PSMC6: variants seen among roughly 807,000 people sequenced by gnomAD.
PSMC6 encodes the protein proteasome 26S subunit, ATPase 6.
In PSMC6, 3 loss-of-function variants were observed where a neutral mutation model predicts 55.9. The observed-to-expected ratio is 0.05, with a 90% CI of 0.02 to 0.14. PSMC6 has a LOEUF of 0.14. Ranked by LOEUF, PSMC6 falls within the 10% of genes least tolerant of loss-of-function variation. PSMC6 has a pLI of 1.00. For synonymous variants in PSMC6, 137 were observed against 155.9 expected (o/e 0.88, Z 0.90); for missense variants, 210 against 478.7 (o/e 0.44, Z 5.24).
chr14:52,719,064 A>G, intron 10 of PSMC6, 26 bp downstream of exon 10: 1 of 1,543,324 alleles, frequency 6.5e-7, no homozygotes, highest in Non-Finnish European at 8.9e-7. Context: ...GGGGGTTTAT[A>G]AAGAAACCAA....
chr14:52,710,978 T>C, intron 4 of PSMC6, 123 bp from the exon 5 acceptor site: 1 of 855,466 alleles, frequency 1.2e-6, no homozygotes, highest in Non-Finnish European at 1.9e-6. Flanking sequence ...GAGTTTATAA[T>C]CTGATATTTG....
rs932592077 is a variant in PSMC6 at position 52,727,165 on chromosome 14, C to T, written c.1052-334C>T. Among the ~76,000 whole-genome samples the T allele has an allele frequency of 1.1e-4, 16 of 149,992 alleles. No individual in the cohort carries two copies. The East Asian group carries it at 2.0e-3, about 18-fold the overall frequency. On this transcript the variant is annotated intron_variant, in intron 13 of 13. Coordinates refer to ENST00000445930, the MANE Select transcript of PSMC6 (RefSeq NM_002806.5). ...CCTCCCGAGTAGCTGGGACTACAGGCGCGCGCCACCATGCCCAGCTAATTT... is the reference window on the plus strand; with the variant it reads ...CCTCCCGAGTAGCTGGGACTACAGGTGCGCGCCACCATGCCCAGCTAATTT...
intron 10 of PSMC6, among the ~76,000 whole-genome samples, chr14:52,720,121 G>A (rs2041872652): frequency 6.6e-6 from 1 of 151,338 alleles, no homozygotes; most frequent in South Asian, 2.1e-4. Context: ...TACTCAGGAG[G>A]CTGAGGCAGG....
At chr14:52,713,181 G>A (rs971026301) in intron 6 of PSMC6, among the ~76,000 whole-genome samples, 1 of 152,102 alleles carries the variant, frequency 6.6e-6, no homozygotes, top group Admixed American at 6.5e-5. Context: ...AATGAGCCAA[G>A]ATCATGCCAT....
At chr14:52,715,916 C>T (rs948450327) in intron 7 of PSMC6, among the ~76,000 whole-genome samples, 2 of 152,036 alleles carry the variant, frequency 1.3e-5, no homozygotes, top group Non-Finnish European at 2.9e-5. Context: ...AATGTCCAGC[C>T]ACGGCAGCTT....
rs34123680 is a variant in PSMC6, at chr14:52,720,222, CAAAA to C, written c.778-620_778-617del. On this transcript the variant is annotated intron_variant, in intron 10 of 13. Coordinates refer to ENST00000445930, the MANE Select transcript of PSMC6 (RefSeq NM_002806.5). ...GGGTGACAGAGCGAGAGTCTGTCTCCAAAAAAAAAAAAAAAAAAAAAAGCAGTCC... is the reference window on the plus strand; with the variant it reads ...GGGTGACAGAGCGAGAGTCTGTCTCCAAAAAAAAAAAAAAAAAAGCAGTCC... Among the ~76,000 whole-genome samples the C allele has an allele frequency of 3.2e-3, 200 of 62,364 alleles. 1 individual carries two copies. The highest frequency in any genetic ancestry group is 0.013 in the African/African-American group (187 of 14,622). 40.9% of individuals were successfully genotyped at this position (62,364 alleles called of 152,430 possible). A position where few individuals can be genotyped will look rare whatever the true frequency, so the allele number is the denominator to read the frequency against.
intron 7 of PSMC6, among the ~76,000 whole-genome samples, chr14:52,717,148 A>G (rs543649147): frequency 2.0e-5 from 3 of 152,296 alleles, no homozygotes; most frequent in Admixed American, 2.0e-4. Flanking sequence ...TCTAACCACA[A>G]AGTAATGCTA....
chr14:52,707,473 T>A, intron 1 of PSMC6, 169 bp downstream of exon 1: 1 of 881,388 alleles, frequency 1.1e-6, no homozygotes, highest in South Asian at 1.8e-5. Context: ...GCAGCACTCC[T>A]TCGGGTGTAG....
Position 52,728,072 on chromosome 14 carries a change from G to C in PSMC6, c.*455G>C, listed in dbSNP as rs1880493241. On this transcript the variant is annotated 3_prime_UTR_variant, in exon 14 of 14. Transcript: ENST00000445930. ...AGCAAGTAAACTATTTGATAACCCA[G>C]ATGGATTGTGGATTTTTGAATATTA... 1 of 155,072 alleles carries C rather than the reference G, an allele frequency of 6.4e-6. No homozygotes were observed. Among genetic ancestry groups the C allele is most frequent in the African/African-American group, 2.4e-5 (1 of 41,462 alleles). The allele number at this position is 155,072 out of a possible 1,614,324, so 9.6% of individuals were successfully genotyped here.
intron 9 of PSMC6, chr14:52,718,752 C>T (rs1441638523): frequency 2.0e-6 from 1 of 511,652 alleles, no homozygotes; most frequent in Non-Finnish European, 3.5e-6. Context: ...CACCACTGCA[C>T]TCCAGCCTGG....
intron 13 of PSMC6, among the ~76,000 whole-genome samples, chr14:52,724,440 T>C (rs1880324087): frequency 6.6e-6 from 1 of 152,200 alleles, no homozygotes; most frequent in Non-Finnish European, 1.5e-5. Flanking sequence ...AGGCATGTAA[T>C]AGAACACTGG....
At chr14:52,716,753 C>CA (rs545760976) in intron 7 of PSMC6, among the ~76,000 whole-genome samples, 31 of 142,618 alleles carry the variant, frequency 2.2e-4, no homozygotes, top group South Asian at 4.4e-4. Context: ...AACTCCATCT[C>CA]AAAAAAAAAA....
Position 52,708,815 on chromosome 14 carries a change from A to G in PSMC6, c.257A>G (p.Gln86Arg). The change falls in exon 4 of 14, where the codon CAG becomes CGG. Residue 86 changes from glutamine to arginine, a missense_variant and splice_region_variant. Physicochemically the swap from Gln to Arg is conservative, Grantham distance 43. Coordinates refer to ENST00000445930, the MANE Select transcript of PSMC6 (RefSeq NM_002806.5). ...GPRYVVGCRR[Q>R]LDKSKLKPGT... ...AGATATGTTGTGGGTTGTCGTCGAC[A>G]GGTAATACTTTATATTTGTATAGTG... is the stretch of plus-strand genomic sequence containing the variant. 2 of 1,613,686 alleles carry G rather than the reference A, an allele frequency of 1.2e-6. No homozygotes were observed. Among genetic ancestry groups the G allele is most frequent in the Non-Finnish European group, 8.5e-7 (1 of 1,179,818 alleles).
At chr14:52,721,025 C>A in intron 11 of PSMC6, 44 bp downstream of exon 11, 1 of 1,596,546 alleles carries the variant, frequency 6.3e-7, no homozygotes, top group Non-Finnish European at 8.6e-7. Flanking sequence ...CCTTTGTGCC[C>A]ATTTCTTTTT....
At chr14:52,708,852 A>C in intron 4 of PSMC6, 36 bp downstream of exon 4, 1 of 1,605,866 alleles carries the variant, frequency 6.2e-7, no homozygotes, top group South Asian at 1.1e-5. Flanking sequence ...CTGATGATTG[A>C]CAAAGCAGTT....
chr14:52,727,992 A>G lies in PSMC6; in HGVS notation c.*375A>G. On this transcript the variant is annotated 3_prime_UTR_variant, in exon 14 of 14. Coordinates refer to ENST00000445930, the MANE Select transcript of PSMC6 (RefSeq NM_002806.5). ...AAAATCTGTTTGATTCAGTTCTCCT[A>G]CATATATATTCTTGTCTTTTCTGAG... 1 of 173,430 alleles carries G rather than the reference A, an allele frequency of 5.8e-6. No homozygotes were observed. The highest frequency in any genetic ancestry group is 1.3e-4 in the South Asian group (1 of 7,900). The allele number at this position is 173,430 out of a possible 1,614,324, so 10.7% of individuals were successfully genotyped here.
intron 3 of PSMC6, 98 bp downstream of exon 3, chr14:52,708,620 G>A: frequency 5.2e-6 from 8 of 1,527,026 alleles, no homozygotes; most frequent in Non-Finnish European, 6.3e-6. Flanking sequence ...TGCAGAGAGA[G>A]AGAGTATTTT....
In PSMC6 at chr14:52,718,967, A is replaced by G; in HGVS notation, c.716-10A>G. 1.2e-6 allele frequency: 2 copies of G among 1,602,220 alleles called. No individual in the cohort carries two copies. Among genetic ancestry groups the G allele is most frequent in the Non-Finnish European group, 1.7e-6 (2 of 1,169,764 alleles). ...GTAATGCATATAAATTTCCAAATCT[A>G]CTATCTTAGGTGGTCGTCGGTTTTC... is the stretch of plus-strand genomic sequence containing the variant. On this transcript the variant is annotated splice_polypyrimidine_tract_variant and intron_variant, in intron 9 of 13. Coordinates refer to ENST00000445930, the MANE Select transcript of PSMC6 (RefSeq NM_002806.5).
intron 11 of PSMC6, 37 bp downstream of exon 11, chr14:52,721,018 TTG>T (rs753312044): frequency 5.6e-6 from 9 of 1,600,368 alleles, no homozygotes; most frequent in Admixed American, 3.4e-5. Context: ...CCATTTCCCT[TTG>T]TGCCCATTTC....
Sources: gnomAD v4.1 joint callset for allele counts (sites outside exome capture counted in the v4.1 genomes callset) on GRCh38, gnomAD v4.1.1 for gene constraint, MANE v1.5 for transcripts, NCBI Gene and HGNC (gene_info 2026-07-23, HGNC 2026-07-21) for gene names.